Variants in RGS7 observed in about 807,000 individuals in gnomAD.
RGS7 encodes the protein regulator of G protein signaling 7.
RGS7 carries 27 observed loss-of-function variants against 81.1 expected under a neutral mutation model. The ratio of observed to expected loss-of-function variants is 0.33; its 90% CI spans 0.25 to 0.46. RGS7 has a LOEUF of 0.46. Ranked by LOEUF, RGS7 falls within the 20% of genes least tolerant of loss-of-function variation. The pLI, the probability that RGS7 is intolerant of heterozygous loss-of-function variation, is 1.00. For synonymous variants in RGS7, 208 were observed against 207.7 expected, an observed-to-expected ratio of 1.00 and a Z score of -0.01; for missense variants, 396 against 607.4, an observed-to-expected ratio of 0.65 and a Z score of 3.66.
chr1:241,279,288 TCAGTTA>T (rs1398942426), intron 2 of RGS7, among the ~76,000 whole-genome samples: 1 of 152,160 alleles, frequency 6.6e-6, no homozygotes. Context: ...GGGGCAGAGC[TCAGTTA>T]CAGTGAAGAA....
intron 2 of RGS7, among the ~76,000 whole-genome samples, chr1:241,265,922 G>A (rs1336933226): frequency 1.3e-5 from 2 of 151,452 alleles, no homozygotes; most frequent in Non-Finnish European, 2.9e-5. Flanking sequence ...AGCCTCCCGA[G>A]TAGCTGGGAT....
chr1:241,334,590 AG>A (rs2082143141), intron 2 of RGS7, among the ~76,000 whole-genome samples: 1 of 152,190 alleles, frequency 6.6e-6, no homozygotes, highest in African/African-American at 2.4e-5. Context: ...AGGGCAATAC[AG>A]TGGGAAGGGA....
intron 2 of RGS7, among the ~76,000 whole-genome samples, chr1:241,160,727 G>A (rs748991093): frequency 1.3e-5 from 2 of 152,104 alleles, no homozygotes; most frequent in African/African-American, 4.8e-5. Flanking sequence ...ATGGCGATTC[G>A]CCAGTTTGAT....
At chr1:240,929,209 G>A (rs1389888918) in intron 6 of RGS7, among the ~76,000 whole-genome samples, 1 of 152,148 alleles carries the variant, frequency 6.6e-6, no homozygotes, top group African/African-American at 2.4e-5. Context: ...TTCTCTATGA[G>A]CTCCCTCTTA....
At chr1:241,246,002 G>A (rs547827786) in intron 2 of RGS7, among the ~76,000 whole-genome samples, 207 of 152,110 alleles carry the variant, frequency 1.4e-3, no homozygotes, top group South Asian at 8.7e-3. Context: ...TACTCGGAAG[G>A]CTGAGGCAGG....
intron 6 of RGS7, among the ~76,000 whole-genome samples, chr1:240,879,012 G>A (rs1665948493): frequency 6.6e-6 from 1 of 152,036 alleles, no homozygotes; most frequent in Admixed American, 6.6e-5. Flanking sequence ...GGGTTGTGGC[G>A]ATAGGCACAG....
chr1:240,967,753 T>C (rs919286131), intron 4 of RGS7, among the ~76,000 whole-genome samples: 1 of 152,166 alleles, frequency 6.6e-6, no homozygotes, highest in Non-Finnish European at 1.5e-5. Context: ...CAAAGAAGAC[T>C]GGACAGACAG....
At chr1:240,974,025 T>G (rs1683688897) in intron 4 of RGS7, among the ~76,000 whole-genome samples, 1 of 152,252 alleles carries the variant, frequency 6.6e-6, no homozygotes, top group Non-Finnish European at 1.5e-5. Context: ...TAGAGCACTT[T>G]CTTCTTCAGA....
chr1:241,041,484 G>C (rs1394657367), intron 3 of RGS7, among the ~76,000 whole-genome samples: 2 of 152,080 alleles, frequency 1.3e-5, no homozygotes, highest in Non-Finnish European at 2.9e-5. Context: ...ACATAGGAAT[G>C]ATCCAGAGAA....
chr1:240,920,210 T>C, intron 6 of RGS7: 1 of 1,132,956 alleles, frequency 8.8e-7, no homozygotes, highest in Non-Finnish European at 1.3e-6. Context: ...AAGAGATAGC[T>C]AGTGCTTCAT....
At chr1:240,887,388 C>T (rs1350530603) in intron 6 of RGS7, among the ~76,000 whole-genome samples, 1 of 152,060 alleles carries the variant, frequency 6.6e-6, no homozygotes, top group African/African-American at 2.4e-5. Context: ...GCCACCACGC[C>T]CGGCTCATTT....
At chr1:240,866,703 G>GGATA (rs916893824) in intron 9 of RGS7, among the ~76,000 whole-genome samples, 1 of 152,076 alleles carries the variant, frequency 6.6e-6, no homozygotes, top group Non-Finnish European at 1.5e-5. Flanking sequence ...GACTTGCACT[G>GGATA]GATAGAGGGA....
chr1:241,281,982 T>C (rs2078540413), intron 2 of RGS7, among the ~76,000 whole-genome samples: 1 of 152,228 alleles, frequency 6.6e-6, no homozygotes, highest in African/African-American at 2.4e-5. Context: ...TGAGAGTCAA[T>C]AGCTGTACTC....
intron 3 of RGS7, among the ~76,000 whole-genome samples, chr1:241,047,733 CTTTTTTTTTTTTT>C (rs34738551): frequency 2.2e-5 from 2 of 89,514 alleles, no homozygotes; most frequent in Admixed American, 1.4e-4. Context: ...GTTTACAATC[CTTTTTTTTTTTTT>C]TTTTTTTTTT....
At position 241,305,528 on chromosome 1, in the gene RGS7, C is replaced by CT. The variant is rs58469663; in HGVS notation, c.78+50170dup. 6.2e-3 allele frequency: 863 copies of CT among 139,364 alleles called. 3 individuals carry two copies. Among genetic ancestry groups the CT allele is most frequent in the African/African-American group, 8.7e-3 (332 of 38,190 alleles). The allele number at this position is 139,364 out of a possible 1,614,324, so 8.6% of individuals were successfully genotyped here. On this transcript the variant is annotated intron_variant, in intron 2 of 18. Coordinates refer to ENST00000440928, the MANE Select transcript of RGS7 (RefSeq NM_001364886.1). ...TTTTCCAACAAACTACTCTTCCCAT[C>CT]TTTTTTTTTTTTTTTTCTGCAAAGG...
intron 6 of RGS7, among the ~76,000 whole-genome samples, chr1:240,872,151 G>T (rs1664605300): frequency 6.6e-6 from 1 of 152,108 alleles, no homozygotes; most frequent in African/African-American, 2.4e-5. Context: ...GACAGTGCCA[G>T]GCATAAAATA....
At chr1:241,259,077 T>C (rs142599176) in intron 2 of RGS7, among the ~76,000 whole-genome samples, 8 of 152,272 alleles carry the variant, frequency 5.3e-5, no homozygotes, top group African/African-American at 9.6e-5. Flanking sequence ...CTTTCACTTC[T>C]TCGCTCACTC....
chr1:240,864,955 A>ATTT (rs71568972), intron 9 of RGS7, among the ~76,000 whole-genome samples: 32 of 145,702 alleles, frequency 2.2e-4, no homozygotes, highest in African/African-American at 7.8e-4. Context: ...TCCATATTCC[A>ATTT]TTTTTTTTTT....
chr1:240,983,062 GA>G lies in RGS7; in HGVS notation c.226+16del. The G allele has an allele frequency of 6.9e-7, 1 of 1,457,898 alleles. No homozygotes were observed. The highest frequency in any genetic ancestry group is 9.6e-7 in the Non-Finnish European group (1 of 1,041,108). The allele number at this position is 1,457,898 out of a possible 1,614,324, so 90.3% of individuals were successfully genotyped here. On this transcript the variant is annotated intron_variant, in intron 4 of 18. Transcript: ENST00000440928. ...ACTAAGAAAAAAGTTCTTGCAATGG[GA>G]AAATGATTTATTTACCTGGATCTTC...
Sources: gnomAD v4.1 joint callset for allele counts (sites outside exome capture counted in the v4.1 genomes callset) on GRCh38, gnomAD v4.1.1 for gene constraint, MANE v1.5 for transcripts, NCBI Gene and HGNC (gene_info 2026-07-23, HGNC 2026-07-21) for gene names.